Variants in GPC5 observed in about 807,000 individuals in gnomAD.
The protein encoded by GPC5 is glypican-5.
A neutral mutation model predicts 53.9 loss-of-function variants in GPC5; 47 were observed. The observed-to-expected ratio is 0.87, with a 90% CI of 0.69 to 1.11. The LOEUF (loss-of-function observed/expected upper bound fraction) is 1.11. Ranked by LOEUF, GPC5 falls within the 50% of genes most tolerant of loss-of-function variation. GPC5 has a pLI of 0.00. For missense variants in GPC5, 748 were observed against 713.1 expected (o/e 1.05, Z -0.56); for synonymous variants, 286 against 263.3 (o/e 1.09, Z -0.84).
chr13:92,628,219 A>G (rs545572487), intron 7 of GPC5, among the ~76,000 whole-genome samples: 1 of 132,960 alleles, frequency 7.5e-6, no homozygotes, highest in East Asian at 2.3e-4. Flanking sequence ...TTTTAAATCT[A>G]TTCTTGAGAA....
intron 7 of GPC5, among the ~76,000 whole-genome samples, chr13:92,356,185 A>G (rs916028606): frequency 1.1e-4 from 16 of 152,144 alleles, no homozygotes; most frequent in African/African-American, 3.9e-4. Context: ...TATTTCACAA[A>G]TGTTATTGAG....
intron 7 of GPC5, among the ~76,000 whole-genome samples, chr13:92,600,932 A>G (rs1196077679): frequency 6.6e-6 from 1 of 152,002 alleles, no homozygotes; most frequent in Non-Finnish European, 1.5e-5. Context: ...CAACTACCTC[A>G]TGATTTTATC....
chr13:92,250,819 A>C (rs1290737047), intron 7 of GPC5, among the ~76,000 whole-genome samples: 1 of 152,152 alleles, frequency 6.6e-6, no homozygotes, highest in Non-Finnish European at 1.5e-5. Context: ...TAAACTAATA[A>C]AAATAAAGCC....
intron 7 of GPC5, among the ~76,000 whole-genome samples, chr13:92,555,396 C>G (rs1882459702): frequency 6.6e-6 from 1 of 151,356 alleles, no homozygotes; most frequent in Non-Finnish European, 1.5e-5. Flanking sequence ...CCTAAAATTA[C>G]TTAGCAAAAG....
chr13:92,640,954 G>A (rs1335708300), intron 7 of GPC5, among the ~76,000 whole-genome samples: 1 of 150,044 alleles, frequency 6.7e-6, no homozygotes, highest in Non-Finnish European at 1.5e-5. Flanking sequence ...GCTGATACAA[G>A]TGAAAGGAGT....
At chr13:92,103,658 G>A (rs2041484044) in intron 6 of GPC5, among the ~76,000 whole-genome samples, 1 of 152,134 alleles carries the variant, frequency 6.6e-6, no homozygotes, top group Admixed American at 6.5e-5. Context: ...AAATGTGCAT[G>A]TGTGTGCACA....
intron 2 of GPC5, among the ~76,000 whole-genome samples, chr13:91,549,089 T>C (rs1832190): frequency 0.85 from 129,104 of 151,968 alleles, 56,572 homozygotes; most frequent in East Asian, 1. Flanking sequence ...GCCAATATGG[T>C]GAAATGCTGT....
intron 7 of GPC5, among the ~76,000 whole-genome samples, chr13:92,335,406 G>T (rs943401481): frequency 6.6e-6 from 1 of 152,080 alleles, no homozygotes; most frequent in African/African-American, 2.4e-5. Context: ...CCTGGTCAAA[G>T]CAACCATTTT....
chr13:92,859,379 A>G (rs1300769998), intron 7 of GPC5, among the ~76,000 whole-genome samples: 1 of 151,992 alleles, frequency 6.6e-6, no homozygotes, highest in Non-Finnish European at 1.5e-5. Flanking sequence ...ATTTGAAAAA[A>G]TTTCTCTTTG....
At chr13:92,419,509 TC>T (rs1876466479) in intron 7 of GPC5, among the ~76,000 whole-genome samples, 1 of 152,214 alleles carries the variant, frequency 6.6e-6, no homozygotes, top group Non-Finnish European at 1.5e-5. Flanking sequence ...ACATGTCATT[TC>T]TGAGCTACAG....
At chr13:92,527,277 A>T (rs1226463832) in intron 7 of GPC5, among the ~76,000 whole-genome samples, 1 of 146,182 alleles carries the variant, frequency 6.8e-6, no homozygotes, top group African/African-American at 2.6e-5. Flanking sequence ...GAAAGAAAGA[A>T]AGAAAAAGAT....
chr13:91,699,975 G>C (rs1292828421), intron 3 of GPC5, among the ~76,000 whole-genome samples: 1 of 152,118 alleles, frequency 6.6e-6, no homozygotes, highest in Admixed American at 6.6e-5. Flanking sequence ...CTGATTAGAG[G>C]CAAGTCAAAG....
At chr13:92,799,786 A>G (rs1594515784) in intron 7 of GPC5, among the ~76,000 whole-genome samples, 3 of 151,810 alleles carry the variant, frequency 2.0e-5, no homozygotes. Flanking sequence ...TTGAATGTCT[A>G]TCAGTCGCTT....
At chr13:91,511,558 TTTC>T (rs1566464252) in intron 2 of GPC5, among the ~76,000 whole-genome samples, 2 of 152,162 alleles carry the variant, frequency 1.3e-5, no homozygotes, top group Admixed American at 6.5e-5. Flanking sequence ...CCAGCATTGT[TTTC>T]TTCTTTGAGT....
chr13:91,546,405 G>T (rs567474683), intron 2 of GPC5, among the ~76,000 whole-genome samples: 1 of 152,086 alleles, frequency 6.6e-6, no homozygotes, highest in South Asian at 2.1e-4. Context: ...AAATTATAAG[G>T]CAGACCTTAA....
chr13:92,375,928 T>C (rs1202851050), intron 7 of GPC5, among the ~76,000 whole-genome samples: 1 of 152,166 alleles, frequency 6.6e-6, no homozygotes, highest in East Asian at 1.9e-4. Context: ...ACATAAAAAA[T>C]ACCATCCATT....
chr13:92,836,147 C>A (rs1431298518), intron 7 of GPC5, among the ~76,000 whole-genome samples: 1 of 151,942 alleles, frequency 6.6e-6, no homozygotes, highest in Non-Finnish European at 1.5e-5. Flanking sequence ...ATTTGCCATA[C>A]AAAAGTTTTT....
At chr13:91,550,753 CA>C (rs2030589193) in intron 2 of GPC5, among the ~76,000 whole-genome samples, 1 of 152,036 alleles carries the variant, frequency 6.6e-6, no homozygotes, top group Non-Finnish European at 1.5e-5. Context: ...TCCCACATGT[CA>C]AGGGTGGGGC....
chr13:92,774,545 G>A (rs1013357065), intron 7 of GPC5, among the ~76,000 whole-genome samples: 2 of 152,106 alleles, frequency 1.3e-5, no homozygotes, highest in Admixed American at 6.6e-5. Flanking sequence ...TCAGAATTAC[G>A]TGTTTCCCTA....
Sources: gnomAD v4.1 joint callset for allele counts (sites outside exome capture counted in the v4.1 genomes callset) on GRCh38, gnomAD v4.1.1 for gene constraint, MANE v1.5 for transcripts, NCBI Gene and HGNC (gene_info 2026-07-23, HGNC 2026-07-21) for gene names.